Variants in FAM184A observed in about 807,000 individuals in gnomAD.
The protein encoded by FAM184A is protein FAM184A.
Under a neutral mutation model 143.8 loss-of-function variants are expected in FAM184A, and 99 were observed. The ratio of observed to expected loss-of-function variants is 0.69; its 90% CI spans 0.58 to 0.81. FAM184A has a LOEUF of 0.81. Among genes scored for constraint, FAM184A ranks in the 40% least tolerant of loss-of-function variants. The probability of loss-of-function intolerance (pLI) is 0.00; values close to 1 mark genes in which losing one functional copy is unlikely to be tolerated. For synonymous variants in FAM184A, 427 were observed against 446.4 expected, an observed-to-expected ratio of 0.96 and a Z score of 0.55; for missense variants, 1,217 against 1,310.5, an observed-to-expected ratio of 0.93 and a Z score of 1.10.
At chr6:119,042,578 G>C (rs1358091168) in intron 1 of FAM184A, among the ~76,000 whole-genome samples, 1 of 152,154 alleles carries the variant, frequency 6.6e-6, no homozygotes, top group Non-Finnish European at 1.5e-5. Context: ...GGGTAATTCA[G>C]ATCTCTTCCA....
At chr6:118,999,705 G>C (rs550355116) in intron 9 of FAM184A, among the ~76,000 whole-genome samples, 52 of 152,156 alleles carry the variant, frequency 3.4e-4, no homozygotes, top group African/African-American at 1.2e-3. Context: ...ATGTTTAACA[G>C]CTCTCTGAAA....
chr6:119,139,522 A>G (rs1772138510), intron 1 of FAM184A, among the ~76,000 whole-genome samples: 2 of 152,202 alleles, frequency 1.3e-5, no homozygotes, highest in South Asian at 4.2e-4. Flanking sequence ...GACATGTTTT[A>G]CAGCAGAGAC....
chr6:118,976,849 G>T (rs1783862388), intron 11 of FAM184A, among the ~76,000 whole-genome samples: 1 of 152,000 alleles, frequency 6.6e-6, no homozygotes, highest in Admixed American at 6.6e-5. Flanking sequence ...ATTAAAACCA[G>T]AATGAGTTAT....
At chr6:119,050,675 G>A (rs1481116341) in intron 1 of FAM184A, among the ~76,000 whole-genome samples, 1 of 152,046 alleles carries the variant, frequency 6.6e-6, no homozygotes, top group Admixed American at 6.5e-5. Flanking sequence ...GCGCGGTGGC[G>A]GGCGCTGTAG....
intron 6 of FAM184A, among the ~76,000 whole-genome samples, chr6:119,007,573 A>G (rs1358493421): frequency 2.0e-5 from 3 of 152,216 alleles, no homozygotes; most frequent in African/African-American, 7.2e-5. Context: ...GTGCTCTGAA[A>G]TATTTTCACA....
At chr6:119,101,924 C>T (rs886929926) in intron 1 of FAM184A, among the ~76,000 whole-genome samples, 5 of 151,958 alleles carry the variant, frequency 3.3e-5, no homozygotes, top group African/African-American at 9.7e-5. Flanking sequence ...GGCTTGGTGG[C>T]GTGTGCCTGT....
chr6:119,032,288 A>G (rs1562481688), intron 1 of FAM184A, among the ~76,000 whole-genome samples: 1 of 152,028 alleles, frequency 6.6e-6, no homozygotes, highest in Non-Finnish European at 1.5e-5. Context: ...AAAAAAAAGA[A>G]AAGAAATAAA....
chr6:119,000,730 T>G (rs1421869640), intron 9 of FAM184A, among the ~76,000 whole-genome samples: 1 of 152,132 alleles, frequency 6.6e-6, no homozygotes, highest in Non-Finnish European at 1.5e-5. Context: ...GCACATCCTC[T>G]GATACTTTTT....
At chr6:119,143,721 A>G (rs1291309656) in intron 1 of FAM184A, among the ~76,000 whole-genome samples, 2 of 152,212 alleles carry the variant, frequency 1.3e-5, no homozygotes, top group Non-Finnish European at 1.5e-5. Context: ...AAGGACACAC[A>G]CTGTACGATC....
intron 1 of FAM184A, among the ~76,000 whole-genome samples, chr6:119,039,485 T>A (rs1256745323): frequency 6.6e-6 from 1 of 152,144 alleles, no homozygotes; most frequent in Non-Finnish European, 1.5e-5. Context: ...CATGAAGAAA[T>A]CTTAAATGCA....
At chr6:119,080,746 CT>C (rs1788039174), upstream of FAM184A, among the ~76,000 whole-genome samples, 1 of 152,148 alleles carries the variant, frequency 6.6e-6, no homozygotes, top group South Asian at 2.1e-4. Context: ...CTCAACATTT[CT>C]GGTTTTGGAG....
chr6:119,032,069 C>G (rs1212498198), intron 1 of FAM184A, among the ~76,000 whole-genome samples: 1 of 152,038 alleles, frequency 6.6e-6, no homozygotes, highest in Non-Finnish European at 1.5e-5. Context: ...ATCAGGAGTT[C>G]AAGACCAGCC....
intron 1 of FAM184A, among the ~76,000 whole-genome samples, chr6:119,065,341 CTT>C (rs2114776059): frequency 6.6e-6 from 1 of 152,174 alleles, no homozygotes; most frequent in East Asian, 1.9e-4. Context: ...CTAGTCAACT[CTT>C]TACAGAGACT....
chr6:118,991,502 A>T (rs1562464036), intron 9 of FAM184A, among the ~76,000 whole-genome samples: 1 of 152,096 alleles, frequency 6.6e-6, no homozygotes. Context: ...AAACTGAGGT[A>T]AATGCAAATA....
At chr6:118,986,666 A>G (rs981770184) in intron 9 of FAM184A, among the ~76,000 whole-genome samples, 1 of 152,238 alleles carries the variant, frequency 6.6e-6, no homozygotes, top group African/African-American at 2.4e-5. Flanking sequence ...GGCAATTTCA[A>G]TAAGGTGGTT....
chr6:118,982,617 G>A (rs568502997), intron 9 of FAM184A, among the ~76,000 whole-genome samples: 5 of 152,152 alleles, frequency 3.3e-5, no homozygotes, highest in Non-Finnish European at 7.4e-5. Flanking sequence ...CAGTGGCCCT[G>A]GATCCCATCC....
intron 11 of FAM184A, among the ~76,000 whole-genome samples, chr6:118,978,905 G>C (rs977433810): frequency 1.3e-5 from 2 of 152,144 alleles, no homozygotes; most frequent in Non-Finnish European, 2.9e-5. Context: ...AAAAAGTAAT[G>C]ATGTGAACAC....
At chr6:119,081,376 C>T (rs72953082), upstream of FAM184A, among the ~76,000 whole-genome samples, 278 of 152,224 alleles carry the variant, frequency 1.8e-3, 1 homozygote, top group Non-Finnish European at 6.2e-4. Flanking sequence ...TTTAGTGCCC[C>T]GCTGCTCAAA....
chr6:119,127,859 A>C (rs1389591549), intron 1 of FAM184A, among the ~76,000 whole-genome samples: 1 of 151,664 alleles, frequency 6.6e-6, no homozygotes, highest in Non-Finnish European at 1.5e-5. Context: ...TTCATTCAAC[A>C]AACATTCATT....
Sources: gnomAD v4.1 joint callset for allele counts (sites outside exome capture counted in the v4.1 genomes callset) on GRCh38, gnomAD v4.1.1 for gene constraint, MANE v1.5 for transcripts, NCBI Gene and HGNC (gene_info 2026-07-23, HGNC 2026-07-21) for gene names.